Variants in MIPEP observed in about 807,000 individuals in gnomAD.
The protein encoded by MIPEP is mitochondrial intermediate peptidase.
In MIPEP, 79 loss-of-function variants were observed where a neutral mutation model predicts 90.3. The ratio of observed to expected loss-of-function variants is 0.87; its 90% CI spans 0.73 to 1.05. The LOEUF (loss-of-function observed/expected upper bound fraction) is 1.05, where lower values mean the gene tolerates loss of function less well. MIPEP is among the 50% of genes least tolerant of loss of function. The pLI is 0.00. For synonymous variants in MIPEP, 334 were observed against 315.8 expected, an observed-to-expected ratio of 1.06 and a Z score of -0.61; for missense variants, 940 against 905.6, an observed-to-expected ratio of 1.04 and a Z score of -0.49.
At position 23,781,478 on chromosome 13, in the gene MIPEP, T is replaced by C. The variant is rs572591680; in HGVS notation, c.1849-21261A>G. ...AGCACTAAACATGGAAAGGAACAACTGGTACCAGCCACTGCAAAAACATGC... is the reference window on the plus strand; with the variant it reads ...AGCACTAAACATGGAAAGGAACAACCGGTACCAGCCACTGCAAAAACATGC... On this transcript the variant is annotated intron_variant, in intron 16 of 18. Transcript: ENST00000382172. Among the ~76,000 whole-genome samples the C allele has an allele frequency of 2.9e-3, 447 of 152,240 alleles. 2 individuals carry two copies. Among genetic ancestry groups the C allele is most frequent in the African/African-American group, 0.01 (436 of 41,538 alleles).
rs553550640 is a variant in MIPEP at position 23,818,339 on chromosome 13, G to A, written c.1654-8415C>T. Reference sequence around the variant, plus strand: ...GGAGGCTGAGGCATGAGAATCGCTGGAACGCGAATGCGGGAGGTAGAGGAT... The same window carrying A: ...GGAGGCTGAGGCATGAGAATCGCTGAAACGCGAATGCGGGAGGTAGAGGAT... On this transcript the variant is annotated intron_variant, in intron 14 of 18. Transcript: ENST00000382172. 2.6e-5 allele frequency among the ~76,000 whole-genome samples: 4 copies of A among 152,256 alleles called. No individual in the cohort carries two copies. In the South Asian group the frequency reaches 8.3e-4, roughly 32 times the overall value.
intron 18 of MIPEP, among the ~76,000 whole-genome samples, chr13:23,742,067 A>G (rs1009745925): frequency 6.6e-6 from 1 of 152,176 alleles, no homozygotes; most frequent in African/African-American, 2.4e-5. Context: ...CAGAGCAGCT[A>G]TTCGAATGCA....
intron 14 of MIPEP, among the ~76,000 whole-genome samples, chr13:23,813,136 A>C (rs1227799761): frequency 6.6e-6 from 1 of 152,206 alleles, no homozygotes; most frequent in African/African-American, 2.4e-5. Context: ...AAACTTAAAT[A>C]CCATACAAAC....
At chr13:23,887,092 G>A (rs905375785) in intron 1 of MIPEP, among the ~76,000 whole-genome samples, 30 of 152,166 alleles carry the variant, frequency 2.0e-4, no homozygotes, top group African/African-American at 7.2e-4. Flanking sequence ...CTATCAAATA[G>A]GGAGGATGAG....
In MIPEP at chr13:23,730,299, A is replaced by C. The variant is rs752506420; in HGVS notation, c.*49T>G. 20 of 1,243,542 alleles carry C rather than the reference A, an allele frequency of 1.6e-5. No individual in the cohort carries two copies. The highest frequency in any genetic ancestry group is 6.4e-5 in the South Asian group (5 of 78,572). 77.0% of individuals were successfully genotyped at this position (1,243,542 alleles called of 1,614,324 possible). ...CTCTCACAGCTGTAGCATTTATAAC[A>C]AAGTCATTATCTACATGACCTTGAT... On this transcript the variant is annotated 3_prime_UTR_variant, in exon 19 of 19. Coordinates refer to ENST00000382172, the MANE Select transcript of MIPEP (RefSeq NM_005932.4).
chr13:23,879,925 CCAA>C (rs1871210785), intron 3 of MIPEP, among the ~76,000 whole-genome samples: 1 of 152,078 alleles, frequency 6.6e-6, no homozygotes. Flanking sequence ...AGCAAAGGGC[CCAA>C]TGCTGGGCAG....
At chr13:23,854,107 C>CTTGAGGCTAGG (rs1869935343) in intron 10 of MIPEP, among the ~76,000 whole-genome samples, 1 of 151,260 alleles carries the variant, frequency 6.6e-6, no homozygotes, top group Admixed American at 6.6e-5. Flanking sequence ...GGGCGGATCA[C>CTTGAGGCTAGG]AAGTTCAGCA....
At chr13:23,748,337 C>T (rs775025808) in intron 18 of MIPEP, among the ~76,000 whole-genome samples, 6 of 152,218 alleles carry the variant, frequency 3.9e-5, no homozygotes, top group African/African-American at 7.2e-5. Flanking sequence ...GCTGCAGATA[C>T]AGCTGTGAAC....
chr13:23,819,367 G>T (rs1953279210), intron 14 of MIPEP, among the ~76,000 whole-genome samples: 1 of 152,210 alleles, frequency 6.6e-6, no homozygotes, highest in Non-Finnish European at 1.5e-5. Context: ...GCTTACAAAA[G>T]AGGAACCTGA....
At chr13:23,797,524 C>T (rs17079357) in intron 16 of MIPEP, among the ~76,000 whole-genome samples, 1,972 of 152,276 alleles carry the variant, frequency 0.013, 42 homozygotes, top group African/African-American at 0.045. Context: ...TCTCTTTTAT[C>T]ACCACCTCCC....
chr13:23,745,091 G>T (rs544791511), intron 18 of MIPEP, among the ~76,000 whole-genome samples: 33 of 152,280 alleles, frequency 2.2e-4, no homozygotes, highest in Middle Eastern at 3.4e-3. Flanking sequence ...GAAACTGTGT[G>T]TTACCTGACA....
chr13:23,778,635 T>C (rs7140054), intron 16 of MIPEP, among the ~76,000 whole-genome samples: 118,488 of 151,890 alleles, frequency 0.78, 46,567 homozygotes, highest in Admixed American at 0.83. Context: ...ATTTTATTTA[T>C]ACATACCATT....
intron 16 of MIPEP, among the ~76,000 whole-genome samples, chr13:23,799,993 T>C (rs1034601161): frequency 6.6e-6 from 1 of 152,146 alleles, no homozygotes; most frequent in African/African-American, 2.4e-5. Context: ...TTGAGGTCAC[T>C]AAAGGGCAAA....
intron 16 of MIPEP, among the ~76,000 whole-genome samples, chr13:23,783,301 G>T (rs1952801089): frequency 2.0e-5 from 3 of 152,250 alleles, no homozygotes; most frequent in Non-Finnish European, 4.4e-5. Context: ...TTCAACATAT[G>T]CAAATCAATA....
intron 14 of MIPEP, among the ~76,000 whole-genome samples, chr13:23,834,784 A>G (rs965806277): frequency 3.3e-5 from 5 of 152,134 alleles, no homozygotes; most frequent in Admixed American, 6.5e-5. Flanking sequence ...GGCAGGGAGC[A>G]ATCACTGAAC....
intron 7 of MIPEP, among the ~76,000 whole-genome samples, chr13:23,864,735 C>CAAAAAAA (rs373133876): frequency 9.4e-5 from 8 of 85,212 alleles, no homozygotes; most frequent in East Asian, 3.6e-4. Context: ...GACTCCATCT[C>CAAAAAAA]AAAAAAAAAA....
intron 16 of MIPEP, among the ~76,000 whole-genome samples, chr13:23,792,362 T>A (rs1002409378): frequency 2.0e-5 from 3 of 152,186 alleles, no homozygotes; most frequent in African/African-American, 7.2e-5. Flanking sequence ...TGCTCTCCCT[T>A]AAGACCTACA....
intron 10 of MIPEP, among the ~76,000 whole-genome samples, chr13:23,844,644 C>A (rs1401491579): frequency 6.6e-6 from 1 of 152,106 alleles, no homozygotes; most frequent in Non-Finnish European, 1.5e-5. Context: ...AGAAACTTTA[C>A]ATATTAAAAT....
chr13:23,753,073 C>T (rs9580747), intron 18 of MIPEP, among the ~76,000 whole-genome samples: 14,237 of 151,840 alleles, frequency 0.094, 2,162 homozygotes, highest in African/African-American at 0.32. Flanking sequence ...ACTAAAAATA[C>T]AAAAATTAGC....
Sources: allele counts gnomAD v4.1 joint callset (sites outside exome capture counted in the v4.1 genomes callset), GRCh38; gene constraint gnomAD v4.1.1; transcripts MANE v1.5; gene names NCBI Gene and HGNC (gene_info 2026-07-23, HGNC 2026-07-21).